XPR1: variants seen among roughly 807,000 people sequenced by gnomAD.
XPR1 encodes xenotropic and polytropic retrovirus receptor 1.
Under a neutral mutation model 87.5 loss-of-function variants are expected in XPR1, and 28 were observed. The observed-to-expected ratio is 0.32, with a 90% CI of 0.24 to 0.44. The LOEUF (loss-of-function observed/expected upper bound fraction) is 0.44, where lower values mean the gene tolerates loss of function less well. Among genes scored for constraint, XPR1 ranks in the 20% least tolerant of loss-of-function variants. XPR1 has a pLI of 1.00. For missense variants in XPR1, 559 were observed against 862.3 expected, an observed-to-expected ratio of 0.65 and a Z score of 4.41; for synonymous variants, 300 against 306.1, an observed-to-expected ratio of 0.98 and a Z score of 0.21.
intron 2 of XPR1, among the ~76,000 whole-genome samples, chr1:180,781,459 G>A (rs914161668): frequency 6.6e-6 from 1 of 151,826 alleles, no homozygotes; most frequent in Non-Finnish European, 1.5e-5. Flanking sequence ...GGCCTTTTAT[G>A]TATTTAACCC....
intron 2 of XPR1, among the ~76,000 whole-genome samples, chr1:180,769,974 C>T (rs188683899): frequency 6.6e-6 from 1 of 152,148 alleles, no homozygotes; most frequent in Non-Finnish European, 1.5e-5. Flanking sequence ...GCCCTTTTAA[C>T]TGGGGTGAGT....
intron 9 of XPR1, among the ~76,000 whole-genome samples, chr1:180,827,037 CCAGCTACT>C (rs1001642105): frequency 1.0e-3 from 155 of 151,566 alleles, no homozygotes; most frequent in African/African-American, 2.8e-3. Context: ...GCCTGTAATC[CCAGCTACT>C]CAGGAGGCTG....
intron 4 of XPR1, among the ~76,000 whole-genome samples, chr1:180,804,881 C>T (rs925682178): frequency 6.6e-6 from 1 of 152,044 alleles, no homozygotes; most frequent in Admixed American, 6.6e-5. Flanking sequence ...TTTCCTCTTT[C>T]CTATAATGGT....
intron 11 of XPR1, among the ~76,000 whole-genome samples, chr1:180,858,331 C>T (rs570713201): frequency 7.2e-5 from 11 of 152,324 alleles, no homozygotes; most frequent in African/African-American, 2.6e-4. Flanking sequence ...TCTTACTTCC[C>T]TCATCTGAGA....
chr1:180,702,319 T>C (rs1272563258), intron 2 of XPR1, among the ~76,000 whole-genome samples: 1 of 135,816 alleles, frequency 7.4e-6, no homozygotes, highest in Admixed American at 7.8e-5. Flanking sequence ...TTATAATTTC[T>C]GTTCTTTTAC....
chr1:180,694,418 C>T (rs985237625), intron 2 of XPR1, among the ~76,000 whole-genome samples: 5 of 152,070 alleles, frequency 3.3e-5, no homozygotes, highest in African/African-American at 1.2e-4. Flanking sequence ...CAGGTATGAT[C>T]CCGGAAAGTG....
At chr1:180,645,373 A>C (rs1029502265) in intron 1 of XPR1, among the ~76,000 whole-genome samples, 2 of 152,222 alleles carry the variant, frequency 1.3e-5, no homozygotes, top group Middle Eastern at 3.2e-3. Context: ...GAAACATGTC[A>C]GAAATCTCAG....
Position 180,880,422 on chromosome 1 carries a change from AC to A in XPR1, c.2030+126del. 4 of 1,005,378 alleles carry A rather than the reference AC, an allele frequency of 4.0e-6. No individual in the cohort carries two copies. In the South Asian group the frequency reaches 6.4e-5, roughly 16 times the overall value. The allele number at this position is 1,005,378 out of a possible 1,614,324, so 62.3% of individuals were successfully genotyped here. A position where few individuals can be genotyped will look rare whatever the true frequency, so the allele number is the denominator to read the frequency against. ...GCCAATACTCAGCCATTTTTCACCTACAAAAAAACAGTAATAAGCAGCAATT... is the reference window on the plus strand; with the variant it reads ...GCCAATACTCAGCCATTTTTCACCTAAAAAAAACAGTAATAAGCAGCAATT... On this transcript the variant is annotated intron_variant, in intron 14 of 14. Transcript: ENST00000367590.
chr1:180,751,272 G>C (rs561595311), intron 2 of XPR1, among the ~76,000 whole-genome samples: 4 of 150,646 alleles, frequency 2.7e-5, no homozygotes, highest in South Asian at 2.1e-4. Flanking sequence ...AAACTACAAG[G>C]CATTTTATTT....
At chr1:180,853,799 T>TG (rs902811083) in intron 11 of XPR1, among the ~76,000 whole-genome samples, 6 of 146,412 alleles carry the variant, frequency 4.1e-5, no homozygotes, top group Non-Finnish European at 5.9e-5. Context: ...TGGTTTTTTT[T>TG]TTTTTTTTTT....
chr1:180,801,564 A>C (rs1649785428), intron 3 of XPR1, among the ~76,000 whole-genome samples: 1 of 152,208 alleles, frequency 6.6e-6, no homozygotes, highest in South Asian at 2.1e-4. Context: ...TCTTGGAAAC[A>C]TCCTATAGAA....
At chr1:180,655,947 T>A (rs79064171) in intron 1 of XPR1, among the ~76,000 whole-genome samples, 1 of 152,124 alleles carries the variant, frequency 6.6e-6, no homozygotes, top group Non-Finnish European at 1.5e-5. Flanking sequence ...ACAGCTATTC[T>A]CTCTCTTACA....
rs115860024 is a variant in XPR1 at position 180,658,162 on chromosome 1, T to G, written c.70-24198T>G. ...GTATCCTGCAACTTTACTGCATTTG[T>G]TTAGCAATTCTAATAGTCTTTTCGG... On this transcript the variant is annotated intron_variant, in intron 1 of 14. Transcript: ENST00000367590. 3.8e-3 allele frequency among the ~76,000 whole-genome samples: 579 copies of G among 152,372 alleles called. 6 individuals are homozygous for G. The highest frequency in any genetic ancestry group is 0.01 in the Middle Eastern group (3 of 294).
chr1:180,715,434 A>G (rs1657955308), intron 2 of XPR1, among the ~76,000 whole-genome samples: 1 of 152,182 alleles, frequency 6.6e-6, no homozygotes, highest in African/African-American at 2.4e-5. Flanking sequence ...ATTTTTTATC[A>G]TAGGAAACCA....
intron 2 of XPR1, among the ~76,000 whole-genome samples, chr1:180,736,495 C>G (rs1470850689): frequency 1.3e-5 from 2 of 152,066 alleles, no homozygotes; most frequent in Non-Finnish European, 2.9e-5. Context: ...CTCAGCATTC[C>G]GTAGTTTGTT....
At position 180,885,100 on chromosome 1, in the gene XPR1, G is replaced by A. The variant is rs574883028; in HGVS notation, c.*1034G>A. The A allele has an allele frequency of 2.0e-5, 3 of 152,660 alleles. No homozygotes were observed. In the South Asian group the frequency reaches 6.2e-4, roughly 32 times the overall value. 9.5% of individuals were successfully genotyped at this position (152,660 alleles called of 1,614,324 possible). A position where few individuals can be genotyped will look rare whatever the true frequency, so the allele number is the denominator to read the frequency against. ...TCCACATGTATGGTCCCTGTAGCGTGACCTTTACTAGCTCTGAATCAGAAG... is the reference window on the plus strand; with the variant it reads ...TCCACATGTATGGTCCCTGTAGCGTAACCTTTACTAGCTCTGAATCAGAAG... On this transcript the variant is annotated 3_prime_UTR_variant, in exon 15 of 15. Coordinates refer to ENST00000367590, the MANE Select transcript of XPR1 (RefSeq NM_004736.4).
At chr1:180,707,931 ATGATGGCAGTAG>A (rs1657611519) in intron 2 of XPR1, among the ~76,000 whole-genome samples, 1 of 152,218 alleles carries the variant, frequency 6.6e-6, no homozygotes, top group South Asian at 2.1e-4. Context: ...TGATGTGAGG[ATGATGGCAGTAG>A]TATTTCTAAT....
chr1:180,803,703 G>A, intron 4 of XPR1, 92 bp downstream of exon 4: 3 of 1,076,340 alleles, frequency 2.8e-6, no homozygotes, highest in Non-Finnish European at 4.0e-6. Context: ...CAGTGGGTCA[G>A]TTCCAAAAAG....
At chr1:180,791,680 A>G (rs1191039224) in intron 3 of XPR1, among the ~76,000 whole-genome samples, 1 of 152,254 alleles carries the variant, frequency 6.6e-6, no homozygotes, top group African/African-American at 2.4e-5. Flanking sequence ...ACTACACAAT[A>G]TATTTAAATA....
Sources: allele counts gnomAD v4.1 joint callset (sites outside exome capture counted in the v4.1 genomes callset), GRCh38; gene constraint gnomAD v4.1.1; transcripts MANE v1.5; gene names NCBI Gene and HGNC (gene_info 2026-07-23, HGNC 2026-07-21).